FREM2: variants seen among roughly 807,000 people sequenced by gnomAD.
The protein encoded by FREM2 is FRAS1-related extracellular matrix protein 2.
Under a neutral mutation model 219.9 loss-of-function variants are expected in FREM2, and 119 were observed. The ratio of observed to expected loss-of-function variants is 0.54; its 90% CI spans 0.47 to 0.63. The LOEUF (loss-of-function observed/expected upper bound fraction) is 0.63, where lower values mean the gene tolerates loss of function less well. Ranked by LOEUF, FREM2 falls within the 30% of genes least tolerant of loss-of-function variation. FREM2 has a pLI of 0.00. For synonymous variants in FREM2, 1,562 were observed against 1,522.8 expected (o/e 1.03, Z -0.60); for missense variants, 4,030 against 3,993.6 (o/e 1.01, Z -0.25).
At position 38,880,576 on chromosome 13, in the gene FREM2, G is replaced by A; in HGVS notation, c.9299G>A (p.Trp3100Ter). Reference protein sequence around the residue: ...GRAPPDGILPWELNSPSSAVS... With the variant: ...GRAPPDGILP ...GCACCTCCAGATGGCATCCTCCCCT[G>A]GGAGCTCAACAGCCCCAGCTCTGCA... Residue 3100 changes from tryptophan to a stop codon, truncating the protein, a stop_gained, in exon 24 of 24, where the codon TGG becomes TAG. Coordinates refer to ENST00000280481, the MANE Select transcript of FREM2 (RefSeq NM_207361.6). LOFTEE classifies it low-confidence loss of function (END_TRUNC). 6.2e-7 allele frequency: 1 copy of A among 1,614,062 alleles called. No individual in the cohort carries two copies. The highest frequency in any genetic ancestry group is 8.5e-7 in the Non-Finnish European group (1 of 1,179,938).
rs1330842146 is a variant in FREM2 at position 38,692,083 on chromosome 13, A to T, written c.4739A>T (p.His1580Leu). Residue 1580 changes from histidine to leucine, a missense_variant, in exon 1 of 24, where the codon CAT becomes CTT. By Grantham distance (99) the His-to-Leu change is moderately conservative (BLOSUM62 -3). Around this residue, in one of 2 missense-constraint regions of FREM2, gnomAD observed 3,102 missense variants for 2,950.7 expected, o/e 1.05. Coordinates refer to ENST00000280481, the MANE Select transcript of FREM2 (RefSeq NM_207361.6). The stretch of plus-strand genomic sequence containing the variant: ...ATCACCCAGGTGCCTATTCATGGCC[A>T]TCTCCTATTCAACAATACCAGACCT... ...FTITQVPIHGHLLFNNTRPVM... is the reference protein window; with the variant it reads ...FTITQVPIHGLLLFNNTRPVM... 1.2e-6 allele frequency: 2 copies of T among 1,614,192 alleles called. No individual in the cohort carries two copies. Among genetic ancestry groups the T allele is most frequent in the South Asian group, 2.2e-5 (2 of 91,080 alleles).
chr13:38,800,821 G>C (rs1052089969), intron 6 of FREM2, among the ~76,000 whole-genome samples: 1 of 152,134 alleles, frequency 6.6e-6, no homozygotes, highest in Non-Finnish European at 1.5e-5. Flanking sequence ...GTAGAAATGG[G>C]GTTTCACCAT....
intron 6 of FREM2, among the ~76,000 whole-genome samples, chr13:38,807,618 T>C (rs771863425): frequency 6.6e-6 from 1 of 151,944 alleles, no homozygotes; most frequent in Non-Finnish European, 1.5e-5. Flanking sequence ...TATATATCTC[T>C]ATCAGAGCTA....
At position 38,885,166 on chromosome 13, in the gene FREM2, A is replaced by G. The variant is rs1416826791; in HGVS notation, c.*4379A>G. ...ACATGTTAAAATAGAAGGACATGAT[A>G]TTTTTCTATAGTTTCCATCAGGAAG... On this transcript the variant is annotated 3_prime_UTR_variant, in exon 24 of 24. Coordinates refer to ENST00000280481, the MANE Select transcript of FREM2 (RefSeq NM_207361.6). 1 of 152,146 alleles carries G rather than the reference A, an allele frequency of 6.6e-6. No homozygotes were observed. The highest frequency in any genetic ancestry group is 1.5e-5 in the Non-Finnish European group (1 of 67,990). The allele number at this position is 152,146 out of a possible 1,614,324, so 9.4% of individuals were successfully genotyped here. A position where few individuals can be genotyped will look rare whatever the true frequency, so the allele number is the denominator to read the frequency against.
chr13:38,690,028 T>A lies in FREM2; in HGVS notation c.2684T>A (p.Ile895Lys). The change falls in exon 1 of 24, where the codon ATA (isoleucine) becomes AAA (lysine). Residue 895 changes from isoleucine to lysine, a missense_variant. Ile to Lys is a moderately radical substitution (Grantham distance 102, BLOSUM62 -3). Around this residue, in one of 2 missense-constraint regions of FREM2, gnomAD observed 3,102 missense variants for 2,950.7 expected, o/e 1.05. Transcript: ENST00000280481. The part of the protein sequence containing the change: ...HVGGLFHLED[I>K]KQGRVSYAHN... Reference sequence around the variant, plus strand: ...GGGGGTCTCTTCCACTTGGAGGACATAAAACAGGGCCGAGTTTCCTATGCC... The same window carrying A: ...GGGGGTCTCTTCCACTTGGAGGACAAAAAACAGGGCCGAGTTTCCTATGCC... The A allele has an allele frequency of 6.2e-7, 1 of 1,613,930 alleles. No individual in the cohort carries two copies. The highest frequency in any genetic ancestry group is 8.5e-7 in the Non-Finnish European group (1 of 1,180,024).
At chr13:38,787,942 TG>T (rs1258189011) in intron 6 of FREM2, among the ~76,000 whole-genome samples, 1 of 151,608 alleles carries the variant, frequency 6.6e-6, no homozygotes, top group Non-Finnish European at 1.5e-5. Flanking sequence ...AAAGACAGAT[TG>T]ATGAGTAAGA....
At chr13:38,786,399 A>T (rs1055270373) in intron 6 of FREM2, among the ~76,000 whole-genome samples, 1 of 152,194 alleles carries the variant, frequency 6.6e-6, no homozygotes, top group African/African-American at 2.4e-5. Context: ...ATAATACCCT[A>T]TAAGTATAAG....
Position 38,692,343 on chromosome 13 carries a change from C to T in FREM2, c.4999C>T (p.Leu1667Phe). ...QIAVNKGAST[L>F]RTLATGHLGF... Reference sequence around the variant, plus strand: ...CGCAGTGAATAAGGGGGCCTCTACACTTCGCACTCTAGCCACTGGCCACTT... The same window carrying T: ...CGCAGTGAATAAGGGGGCCTCTACATTTCGCACTCTAGCCACTGGCCACTT... The change falls in exon 1 of 24, where the codon CTT becomes TTT. Residue 1667 changes from leucine to phenylalanine, a missense_variant. By Grantham distance (22) the Leu-to-Phe change is conservative (BLOSUM62 0). Transcript: ENST00000280481. 6.2e-7 allele frequency: 1 copy of T among 1,604,398 alleles called. No individual in the cohort carries two copies. Among genetic ancestry groups the T allele is most frequent in the Non-Finnish European group, 8.5e-7 (1 of 1,174,744 alleles).
At chr13:38,829,846 A>C (rs1417646329) in intron 6 of FREM2, among the ~76,000 whole-genome samples, 2 of 152,040 alleles carry the variant, frequency 1.3e-5, no homozygotes, top group East Asian at 3.9e-4. Context: ...CACATCACAC[A>C]ATTTGGCTAC....
At chr13:38,732,274 A>G (rs1237273648) in intron 2 of FREM2, among the ~76,000 whole-genome samples, 1 of 152,220 alleles carries the variant, frequency 6.6e-6, no homozygotes, top group Non-Finnish European at 1.5e-5. Flanking sequence ...ATAAATCAGA[A>G]CGTGTCAATT....
intron 6 of FREM2, among the ~76,000 whole-genome samples, chr13:38,826,426 T>C (rs951651108): frequency 6.6e-6 from 1 of 152,004 alleles, no homozygotes; most frequent in Non-Finnish European, 1.5e-5. Context: ...AGCAATGCAA[T>C]AGCGTTGACT....
At chr13:38,695,702 T>C (rs1029328122) in intron 1 of FREM2, among the ~76,000 whole-genome samples, 2 of 152,152 alleles carry the variant, frequency 1.3e-5, no homozygotes, top group Non-Finnish European at 2.9e-5. Context: ...TTTTTACTGA[T>C]AAAGTGAAGG....
chr13:38,819,870 A>G (rs537337269), intron 6 of FREM2, among the ~76,000 whole-genome samples: 1 of 152,256 alleles, frequency 6.6e-6, no homozygotes, highest in South Asian at 2.1e-4. Flanking sequence ...ACAACTACGC[A>G]GCACACTTCA....
chr13:38,782,960 A>G (rs527747790), intron 4 of FREM2, 110 bp from the exon 5 acceptor site: 1 of 1,327,106 alleles, frequency 7.5e-7, no homozygotes, highest in Non-Finnish European at 1.1e-6. Flanking sequence ...ATTCTAAAGA[A>G]TATTCAAGGG....
At chr13:38,707,186 T>C (rs1340561182) in intron 2 of FREM2, among the ~76,000 whole-genome samples, 1 of 152,186 alleles carries the variant, frequency 6.6e-6, no homozygotes, top group Non-Finnish European at 1.5e-5. Context: ...AAAGAAACAG[T>C]GTACCTTCAG....
At chr13:38,782,566 A>G (rs1244964403) in intron 4 of FREM2, among the ~76,000 whole-genome samples, 3 of 152,214 alleles carry the variant, frequency 2.0e-5, no homozygotes. Flanking sequence ...AAAAGAACTC[A>G]CTTTGGATGA....
At chr13:38,699,151 A>G (rs1870241218) in intron 2 of FREM2, among the ~76,000 whole-genome samples, 1 of 152,186 alleles carries the variant, frequency 6.6e-6, no homozygotes, top group African/African-American at 2.4e-5. Context: ...GGATGAAATT[A>G]TTGGTTTAAA....
chr13:38,862,177 A>G (rs1877785554), intron 15 of FREM2, among the ~76,000 whole-genome samples: 2 of 152,208 alleles, frequency 1.3e-5, no homozygotes, highest in Non-Finnish European at 2.9e-5. Flanking sequence ...TTGTTAATAA[A>G]ATTACTTGAT....
chr13:38,869,537 G>C (rs573296818), intron 16 of FREM2, among the ~76,000 whole-genome samples: 17 of 152,272 alleles, frequency 1.1e-4, no homozygotes, highest in African/African-American at 4.1e-4. Flanking sequence ...ACAAGAGTCA[G>C]ATCATCACTC....
Sources: allele counts gnomAD v4.1 joint callset (sites outside exome capture counted in the v4.1 genomes callset), GRCh38; gene constraint gnomAD v4.1.1; regional missense constraint gnomAD v4.1.1; transcripts MANE v1.5; gene names NCBI Gene and HGNC (gene_info 2026-07-23, HGNC 2026-07-21).